Variants in NEK9 observed in about 807,000 individuals in gnomAD.
NEK9 encodes the protein NIMA related kinase 9.
In NEK9, 75 loss-of-function variants were observed where a neutral mutation model predicts 123.4. That is an observed-to-expected ratio of 0.61 (90% CI 0.50 to 0.74). The LOEUF (loss-of-function observed/expected upper bound fraction) is 0.74. NEK9 is among the 30% of genes least tolerant of loss of function. The pLI is 0.00. For synonymous variants in NEK9, 438 were observed against 458.7 expected (o/e 0.95, Z 0.58); for missense variants, 952 against 1,214.4 (o/e 0.78, Z 3.21).
intron 19 of NEK9, 23 bp downstream of exon 19, chr14:75,091,247 G>T: frequency 1.9e-6 from 3 of 1,589,720 alleles, no homozygotes; most frequent in Non-Finnish European, 2.6e-6. Context: ...TTTTATCCAA[G>T]TTACTTCTTC....
chr14:75,122,788 GCT>G (rs1895381793), intron 2 of NEK9, among the ~76,000 whole-genome samples: 1 of 109,450 alleles, frequency 9.1e-6, no homozygotes, highest in East Asian at 2.3e-4. Flanking sequence ...ACCACGCCCA[GCT>G]TTTTTTTTTT....
intron 2 of NEK9, among the ~76,000 whole-genome samples, chr14:75,123,269 C>T (rs944688814): frequency 9.2e-5 from 14 of 152,038 alleles, no homozygotes; most frequent in South Asian, 6.2e-4. Flanking sequence ...GGCGTGGTGG[C>T]GCATGCCTGT....
chr14:75,121,041 G>A lies in NEK9; in HGVS notation c.453+78C>T, dbSNP rs768910070. 4.4e-6 allele frequency: 5 copies of A among 1,140,914 alleles called. No homozygotes were observed. The South Asian group carries it at 6.2e-5, about 14-fold the overall frequency. 70.7% of individuals were successfully genotyped at this position (1,140,914 alleles called of 1,614,324 possible). A position where few individuals can be genotyped will look rare whatever the true frequency, so the allele number is the denominator to read the frequency against. On this transcript the variant is annotated intron_variant, in intron 3 of 21. Transcript: ENST00000238616. ...AAGGAAAAAAACACTCTTCACTATT[G>A]GAAGAGTAAATACAGAACTAGAATG...
rs1894220011 is a variant in NEK9, at chr14:75,091,591, T to A, written c.2234-113A>T. The A allele has an allele frequency of 4.7e-6, 4 of 842,980 alleles. No homozygotes were observed. The South Asian group carries it at 9.6e-5, about 20-fold the overall frequency. 52.2% of individuals were successfully genotyped at this position (842,980 alleles called of 1,614,324 possible). ...TGCCTATAAGCTGCATGAAGTGCAA[T>A]GGCAACAGTGCAAGTCAAATGTTAG... On this transcript the variant is annotated intron_variant, in intron 18 of 21. Coordinates refer to ENST00000238616, the MANE Select transcript of NEK9 (RefSeq NM_033116.6).
intron 21 of NEK9, chr14:75,085,032 G>A (rs1431182124): frequency 4.0e-6 from 1 of 247,104 alleles, no homozygotes; most frequent in African/African-American, 2.2e-5. Context: ...TTGAGACAGG[G>A]TCTTGCTCTG....
chr14:75,090,256 C>G (rs1894170010), intron 19 of NEK9, among the ~76,000 whole-genome samples: 1 of 149,814 alleles, frequency 6.7e-6, no homozygotes, highest in South Asian at 2.1e-4. Flanking sequence ...GGAATTACAG[C>G]TGGGAGCCAT....
In NEK9 at chr14:75,095,539, T is replaced by C; in HGVS notation, c.2174-108A>G. 4.7e-6 allele frequency: 3 copies of C among 639,588 alleles called. No individual in the cohort carries two copies. In the South Asian group the frequency reaches 6.7e-5, roughly 14 times the overall value. 39.6% of individuals were successfully genotyped at this position (639,588 alleles called of 1,614,324 possible). A position where few individuals can be genotyped will look rare whatever the true frequency, so the allele number is the denominator to read the frequency against. ...TGCTCTCCTTGACTCCAGATAACTT[T>C]AGAACTATAACTTACAGTTTTAGAA... On this transcript the variant is annotated intron_variant, in intron 17 of 21. Coordinates refer to ENST00000238616, the MANE Select transcript of NEK9 (RefSeq NM_033116.6).
intron 10 of NEK9, 27 bp downstream of exon 10, chr14:75,109,658 G>A: frequency 6.2e-7 from 1 of 1,600,056 alleles, no homozygotes; most frequent in Admixed American, 1.8e-5. Context: ...TTACAGCACT[G>A]TTCCAAAATG....
At position 75,084,826 on chromosome 14, in the gene NEK9, C is replaced by T. The variant is rs190826587; in HGVS notation, c.2818-140G>A. ...GATTTGTAGCCACGATCTTGTGAGA[C>T]GCTCATGGCACTATTTTAGATACAG... On this transcript the variant is annotated intron_variant, in intron 21 of 21. Coordinates refer to ENST00000238616, the MANE Select transcript of NEK9 (RefSeq NM_033116.6). 45 of 989,256 alleles carry T rather than the reference C, an allele frequency of 4.5e-5. 1 individual carries two copies. Among genetic ancestry groups the T allele is most frequent in the South Asian group, 2.8e-4 (19 of 67,132 alleles). The allele number at this position is 989,256 out of a possible 1,614,324, so 61.3% of individuals were successfully genotyped here. A position where few individuals can be genotyped will look rare whatever the true frequency, so the allele number is the denominator to read the frequency against.
chr14:75,118,312 G>A (rs1895207415), intron 5 of NEK9, among the ~76,000 whole-genome samples: 1 of 152,156 alleles, frequency 6.6e-6, no homozygotes. Context: ...AAAAGGATAA[G>A]ATTACTGTCC....
chr14:75,095,058 A>C (rs1894337050), intron 18 of NEK9, among the ~76,000 whole-genome samples: 1 of 152,140 alleles, frequency 6.6e-6, no homozygotes, highest in Admixed American at 6.6e-5. Context: ...AATACCGTGG[A>C]AGTAGAGGAC....
intron 4 of NEK9, among the ~76,000 whole-genome samples, chr14:75,120,166 A>G (rs1209584518): frequency 2.0e-5 from 3 of 152,254 alleles, no homozygotes; most frequent in Non-Finnish European, 4.4e-5. Flanking sequence ...TATAGAATTA[A>G]AAAGAATTGC....
intron 10 of NEK9, 86 bp downstream of exon 10, chr14:75,109,599 T>G: frequency 8.0e-7 from 1 of 1,248,680 alleles, no homozygotes; most frequent in Non-Finnish European, 1.1e-6. Context: ...TTAGTATAGG[T>G]TCAACTAATA....
chr14:75,080,381 T>A lies in NEK9; in HGVS notation c.*4183A>T, dbSNP rs971446248. 6.6e-6 allele frequency: 1 copy of A among 152,080 alleles called. No individual in the cohort carries two copies. The highest frequency in any genetic ancestry group is 2.4e-5 in the African/African-American group (1 of 41,378). 9.4% of individuals were successfully genotyped at this position (152,080 alleles called of 1,614,324 possible). ...AAATATCTTTCATCTTTTAAATTTATCTTGATCTGGTCTCTGGGAAGAGAT... is the reference window on the plus strand; with the variant it reads ...AAATATCTTTCATCTTTTAAATTTAACTTGATCTGGTCTCTGGGAAGAGAT... On this transcript the variant is annotated 3_prime_UTR_variant, in exon 22 of 22. Transcript: ENST00000238616.
At position 75,086,234 on chromosome 14, in the gene NEK9, A is replaced by T. The variant is rs574753581; in HGVS notation, c.2817+784T>A. 3.8e-3 allele frequency among the ~76,000 whole-genome samples: 580 copies of T among 151,556 alleles called. 3 individuals are homozygous for T. Among genetic ancestry groups the T allele is most frequent in the African/African-American group, 0.013 (545 of 41,340 alleles). The stretch of plus-strand genomic sequence containing the variant: ...AATAAAAATAAAAATAAAATAATTT[A>T]AAAAAGGTGATGGTGGTGGAGGGAG... On this transcript the variant is annotated intron_variant, in intron 21 of 21. Coordinates refer to ENST00000238616, the MANE Select transcript of NEK9 (RefSeq NM_033116.6).
At chr14:75,111,810 A>G (rs175466) in intron 8 of NEK9, among the ~76,000 whole-genome samples, 150,666 of 152,326 alleles carry the variant, frequency 0.99, 74,524 homozygotes, top group East Asian at 1. Context: ...AGAACTGCTT[A>G]AACCTGGCAG....
At chr14:75,104,239 A>T (rs1262375638) in intron 13 of NEK9, among the ~76,000 whole-genome samples, 1 of 150,454 alleles carries the variant, frequency 6.6e-6, no homozygotes, top group African/African-American at 2.5e-5. Flanking sequence ...ATCTTAGCTC[A>T]CCGCAATCTC....
At position 75,082,785 on chromosome 14, in the gene NEK9, C is replaced by T. The variant is rs1893904805; in HGVS notation, c.*1779G>A. The T allele has an allele frequency of 2.5e-6, 1 of 393,562 alleles. No individual in the cohort carries two copies. Among genetic ancestry groups the T allele is most frequent in the East Asian group, 3.6e-5 (1 of 27,840 alleles). 24.4% of individuals were successfully genotyped at this position (393,562 alleles called of 1,614,324 possible). Reference sequence around the variant, plus strand: ...CAGGGACATGACAGGTCAATCGGTCCTCAAGAAAATCAAAGTTGCATTTAC... The same window carrying T: ...CAGGGACATGACAGGTCAATCGGTCTTCAAGAAAATCAAAGTTGCATTTAC... On this transcript the variant is annotated 3_prime_UTR_variant, in exon 22 of 22. Transcript: ENST00000238616.
intron 18 of NEK9, among the ~76,000 whole-genome samples, chr14:75,092,755 A>T (rs545625924): frequency 6.6e-6 from 1 of 152,138 alleles, no homozygotes; most frequent in Non-Finnish European, 1.5e-5. Context: ...AATTAAGAAG[A>T]TTAATCTGTC....
Sources: gnomAD v4.1 joint callset for allele counts (sites outside exome capture counted in the v4.1 genomes callset) on GRCh38, gnomAD v4.1.1 for gene constraint, MANE v1.5 for transcripts, NCBI Gene and HGNC (gene_info 2026-07-23, HGNC 2026-07-21) for gene names.